Variants in AGBL4 observed in about 807,000 individuals in gnomAD.
AGBL4 encodes the protein cytosolic carboxypeptidase 6.
Under a neutral mutation model 66.4 loss-of-function variants are expected in AGBL4, and 58 were observed. That is an observed-to-expected ratio of 0.87 (90% CI 0.71 to 1.09). The LOEUF (loss-of-function observed/expected upper bound fraction) is 1.09, where lower values mean the gene tolerates loss of function less well. AGBL4 is among the 50% of genes least tolerant of loss of function. The probability of loss-of-function intolerance (pLI) is 0.00; values close to 1 mark genes in which losing one functional copy is unlikely to be tolerated. For synonymous variants in AGBL4, 234 were observed against 222.9 expected, an observed-to-expected ratio of 1.05 and a Z score of -0.44; for missense variants, 579 against 631.0, an observed-to-expected ratio of 0.92 and a Z score of 0.88.
At chr1:49,036,415 TCCA>T in intron 5 of AGBL4, among the ~76,000 whole-genome samples, 1 of 152,126 alleles carries the variant, frequency 6.6e-6, no homozygotes, top group South Asian at 2.1e-4. Flanking sequence ...CTAGATCATG[TCCA>T]AAGAAGAACA....
intron 2 of AGBL4, among the ~76,000 whole-genome samples, chr1:49,791,261 C>T (rs1215972443): frequency 1.3e-5 from 2 of 151,996 alleles, no homozygotes; most frequent in South Asian, 4.2e-4. Flanking sequence ...AGAGGTATAG[C>T]TAAGAAGCCA....
At chr1:48,844,321 G>A (rs143231720) in intron 6 of AGBL4, among the ~76,000 whole-genome samples, 29 of 152,244 alleles carry the variant, frequency 1.9e-4, no homozygotes, top group East Asian at 1.7e-3. Flanking sequence ...TCATGAAAGC[G>A]TAGTCTCCAC....
chr1:49,234,438 A>T (rs1650558464), intron 4 of AGBL4, among the ~76,000 whole-genome samples: 1 of 152,166 alleles, frequency 6.6e-6, no homozygotes, highest in African/African-American at 2.4e-5. Context: ...GAAAAAGGAG[A>T]AGTGAACTTG....
At chr1:48,832,102 T>C (rs1013232080) in intron 6 of AGBL4, among the ~76,000 whole-genome samples, 7 of 152,126 alleles carry the variant, frequency 4.6e-5, no homozygotes, top group Non-Finnish European at 8.8e-5. Flanking sequence ...ATACACAAAG[T>C]AGAAGGGGTG....
intron 3 of AGBL4, among the ~76,000 whole-genome samples, chr1:49,328,309 T>C (rs566473535): frequency 1.3e-5 from 2 of 152,324 alleles, no homozygotes; most frequent in South Asian, 2.1e-4. Flanking sequence ...AATACCAATA[T>C]TGGTTATAAT....
intron 1 of AGBL4, among the ~76,000 whole-genome samples, chr1:49,937,919 C>G (rs532319329): frequency 0.012 from 1,875 of 152,178 alleles, 35 homozygotes; most frequent in African/African-American, 0.036. Context: ...GACACCCTAA[C>G]ATCACAATTA....
intron 4 of AGBL4, among the ~76,000 whole-genome samples, chr1:49,076,768 G>A (rs1644717141): frequency 6.6e-6 from 1 of 152,140 alleles, no homozygotes; most frequent in African/African-American, 2.4e-5. Context: ...GGTTGGCACA[G>A]ACTAAATATT....
chr1:49,331,334 A>G (rs1290153924), intron 3 of AGBL4, among the ~76,000 whole-genome samples: 3 of 152,052 alleles, frequency 2.0e-5, no homozygotes, highest in Admixed American at 1.3e-4. Context: ...GATAAGACCA[A>G]CTGGCTTGGA....
In AGBL4 at chr1:49,020,531, CAG is replaced by C. The variant is rs922109370; in HGVS notation, c.594+25051_594+25052del. 3.7e-4 allele frequency among the ~76,000 whole-genome samples: 56 copies of C among 152,272 alleles called. 1 individual carries two copies. The highest frequency in any genetic ancestry group is 1.3e-3 in the African/African-American group (52 of 41,566). On this transcript the variant is annotated intron_variant, in intron 5 of 13. Coordinates refer to ENST00000371839, the MANE Select transcript of AGBL4 (RefSeq NM_032785.4). ...GAGGCTCCAGTATTGAGGGAGATCTCAGAGATGGAAACACACCTATCAGTCTT... is the reference window on the plus strand; with the variant it reads ...GAGGCTCCAGTATTGAGGGAGATCTCAGATGGAAACACACCTATCAGTCTT...
chr1:48,893,085 C>T (rs1338032867), intron 5 of AGBL4, among the ~76,000 whole-genome samples: 1 of 152,078 alleles, frequency 6.6e-6, no homozygotes, highest in Non-Finnish European at 1.5e-5. Flanking sequence ...AACACCCCTA[C>T]AAAAATCGAA....
rs906519218 is a variant in AGBL4, at chr1:49,798,949, A to C, written c.157+52447T>G. Reference sequence around the variant, plus strand: ...TATAGCTACTTATCTTTTATTTAATAGCTAAGAAAATAAGAATGCCAAAAT... The same window carrying C: ...TATAGCTACTTATCTTTTATTTAATCGCTAAGAAAATAAGAATGCCAAAAT... On this transcript the variant is annotated intron_variant, in intron 2 of 13. Transcript: ENST00000371839. 5.3e-5 allele frequency among the ~76,000 whole-genome samples: 8 copies of C among 152,306 alleles called. No homozygotes were observed. In the East Asian group the frequency reaches 1.5e-3, roughly 29 times the overall value.
intron 3 of AGBL4, 38 bp from the exon 4 acceptor site, chr1:49,245,902 T>G: frequency 7.0e-7 from 1 of 1,437,630 alleles, no homozygotes; most frequent in Non-Finnish European, 9.6e-7. Context: ...CTTTATGCTA[T>G]GCAAATTGTA....
chr1:48,833,412 C>A (rs561675256), intron 6 of AGBL4, among the ~76,000 whole-genome samples: 1 of 152,128 alleles, frequency 6.6e-6, no homozygotes, highest in South Asian at 2.1e-4. Flanking sequence ...GAAGGGATTT[C>A]TAAGCAATGT....
chr1:49,805,219 C>T (rs1044829102), intron 2 of AGBL4, among the ~76,000 whole-genome samples: 2 of 152,004 alleles, frequency 1.3e-5, no homozygotes, highest in Non-Finnish European at 2.9e-5. Context: ...GAAGAGGGAA[C>T]GAGAATAGTT....
chr1:48,748,537 G>A (rs1651132863), intron 6 of AGBL4, among the ~76,000 whole-genome samples: 1 of 152,178 alleles, frequency 6.6e-6, no homozygotes, highest in Non-Finnish European at 1.5e-5. Flanking sequence ...GAGGAGACTA[G>A]GAAATCTTCA....
intron 2 of AGBL4, among the ~76,000 whole-genome samples, chr1:49,797,576 C>G (rs1433591121): frequency 6.6e-6 from 1 of 151,990 alleles, no homozygotes; most frequent in African/African-American, 2.4e-5. Context: ...TCTAGGGCTA[C>G]AGGTATGCCA....
At chr1:49,860,726 G>A (rs1222477509) in intron 1 of AGBL4, among the ~76,000 whole-genome samples, 1 of 148,986 alleles carries the variant, frequency 6.7e-6, no homozygotes, top group African/African-American at 2.5e-5. Context: ...GGCAGATAAA[G>A]ATAAAGAAAT....
intron 4 of AGBL4, among the ~76,000 whole-genome samples, chr1:49,144,285 T>G (rs1339290595): frequency 6.6e-6 from 1 of 152,072 alleles, no homozygotes; most frequent in Non-Finnish European, 1.5e-5. Context: ...AGAGATGGCC[T>G]GAGGGGCTAT....
chr1:48,528,576 G>A (rs927135986), downstream of AGBL4, among the ~76,000 whole-genome samples: 1 of 151,918 alleles, frequency 6.6e-6, no homozygotes, highest in African/African-American at 2.4e-5. Context: ...TGTATCCAGG[G>A]TCCACATCCT....
Sources: allele counts gnomAD v4.1 joint callset (sites outside exome capture counted in the v4.1 genomes callset), GRCh38; gene constraint gnomAD v4.1.1; transcripts MANE v1.5; gene names NCBI Gene and HGNC (gene_info 2026-07-23, HGNC 2026-07-21).